The following WDPCP variants were observed in gnomAD, a reference collection of about 807,000 sequenced individuals.
The protein encoded by WDPCP is WD repeat containing planar cell polarity effector.
Under a neutral mutation model 93.1 loss-of-function variants are expected in WDPCP, and 71 were observed. The observed-to-expected ratio is 0.76, with a 90% confidence interval of 0.63 to 0.93. The LOEUF (loss-of-function observed/expected upper bound fraction) is 0.93, where lower values mean the gene tolerates loss of function less well. Ranked by LOEUF, WDPCP falls within the 40% of genes least tolerant of loss-of-function variation. The pLI, the probability that WDPCP is intolerant of heterozygous loss-of-function variation, is 0.00. For missense variants in WDPCP, 844 were observed against 887.4 expected, an observed-to-expected ratio of 0.95 and a Z score of 0.62; for synonymous variants, 315 against 315.0, an observed-to-expected ratio of 1.00 and a Z score of 0.00.
intron 13 of WDPCP, among the ~76,000 whole-genome samples, chr2:63,285,363 G>A (rs1169954601): frequency 6.6e-6 from 1 of 151,770 alleles, no homozygotes; most frequent in African/African-American, 2.4e-5. Flanking sequence ...GAACTCGGGA[G>A]GTGGAGCTTG....
At chr2:63,407,315 G>A (rs999174237) in intron 9 of WDPCP, among the ~76,000 whole-genome samples, 1 of 152,178 alleles carries the variant, frequency 6.6e-6, no homozygotes, top group African/African-American at 2.4e-5. Context: ...AAGCAAGGAA[G>A]AAAGTCATGG....
chr2:63,449,257 C>T (rs371325273), intron 6 of WDPCP, among the ~76,000 whole-genome samples: 12 of 152,306 alleles, frequency 7.9e-5, no homozygotes, highest in African/African-American at 2.4e-4. Context: ...TCAGTCAAGT[C>T]AGTGAGGTAG....
chr2:63,471,132 C>T (rs544762833), intron 6 of WDPCP, among the ~76,000 whole-genome samples: 1 of 152,282 alleles, frequency 6.6e-6, no homozygotes, highest in East Asian at 1.9e-4. Context: ...TTGACTCTGT[C>T]CTCTTTTAGA....
At chr2:63,627,380 C>G (rs1709820953) in intron 3 of WDPCP, among the ~76,000 whole-genome samples, 1 of 152,198 alleles carries the variant, frequency 6.6e-6, no homozygotes. Flanking sequence ...AAAATCATAT[C>G]TGTAATGATA....
chr2:63,753,806 C>T (rs1669916846), intron 2 of WDPCP, among the ~76,000 whole-genome samples: 2 of 152,128 alleles, frequency 1.3e-5, no homozygotes, highest in South Asian at 2.1e-4. Context: ...TGGGTAGGGA[C>T]ACAGATCCAA....
At chr2:63,533,900 C>CA (rs754147445) in intron 1 of WDPCP, among the ~76,000 whole-genome samples, 25 of 151,548 alleles carry the variant, frequency 1.6e-4, no homozygotes, top group African/African-American at 5.6e-4. Context: ...AAAAACCCTA[C>CA]AAAAAATCAA....
chr2:63,472,208 C>CT (rs1699733046), intron 6 of WDPCP, among the ~76,000 whole-genome samples: 1 of 150,740 alleles, frequency 6.6e-6, no homozygotes, highest in Non-Finnish European at 1.5e-5. Context: ...TTTGGATTTT[C>CT]TTTTTTTCTC....
At chr2:63,324,286 G>C (rs1687353203) in intron 12 of WDPCP, among the ~76,000 whole-genome samples, 1 of 152,124 alleles carries the variant, frequency 6.6e-6, no homozygotes, top group African/African-American at 2.4e-5. Context: ...TTTCAGCTTA[G>C]TCCCATATCC....
At chr2:63,528,875 CTT>C (rs1703582156) in intron 1 of WDPCP, among the ~76,000 whole-genome samples, 1 of 152,076 alleles carries the variant, frequency 6.6e-6, no homozygotes, top group Non-Finnish European at 1.5e-5. Context: ...TTGTTTGTGT[CTT>C]CTTTTATTTC....
intron 2 of WDPCP, among the ~76,000 whole-genome samples, chr2:63,676,234 G>A (rs915120932): frequency 6.6e-6 from 1 of 152,174 alleles, no homozygotes; most frequent in African/African-American, 2.4e-5. Flanking sequence ...AAGGGGAGCC[G>A]GGCATTTCGT....
chr2:63,750,818 G>C (rs748472181), intron 2 of WDPCP, among the ~76,000 whole-genome samples: 14 of 151,972 alleles, frequency 9.2e-5, no homozygotes, highest in Non-Finnish European at 1.8e-4. Flanking sequence ...TTACATTTTT[G>C]TGACATACCC....
chr2:63,596,477 G>T (rs1575721915), intron 3 of WDPCP, among the ~76,000 whole-genome samples: 1 of 152,200 alleles, frequency 6.6e-6, no homozygotes, highest in East Asian at 1.9e-4. Context: ...TCCTTTCTCT[G>T]CTGAGTTCCC....
At chr2:63,140,628 G>T (rs1297312749) in intron 17 of WDPCP, among the ~76,000 whole-genome samples, 2 of 151,024 alleles carry the variant, frequency 1.3e-5, no homozygotes, top group East Asian at 3.9e-4. Context: ...TGCTGTTGTT[G>T]TATAGAAGAG....
Position 63,575,458 on chromosome 2 carries a change from A to AGT in WDPCP, c.75+12737_75+12738dup, listed in dbSNP as rs1558832747. On this transcript the variant is annotated intron_variant, in intron 1 of 17. Transcript: ENST00000272321. ...TATACAGTGTATACACTGTATATAC[A>AGT]GTATATATGCAGTATATACAGTGTA... 6.9e-3 allele frequency among the ~76,000 whole-genome samples: 260 copies of AGT among 37,724 alleles called. 44 individuals carry two copies. The Middle Eastern group carries it at 0.088, about 13-fold the overall frequency. The allele number at this position is 37,724 out of a possible 152,430, so 24.7% of individuals were successfully genotyped here.
At chr2:63,271,941 C>A (rs907901301) in intron 13 of WDPCP, among the ~76,000 whole-genome samples, 1 of 152,150 alleles carries the variant, frequency 6.6e-6, no homozygotes, top group Non-Finnish European at 1.5e-5. Context: ...ACACTGCTAC[C>A]GTCATTGCTA....
At position 63,120,702 on chromosome 2, in the gene WDPCP, TTTTTTG is replaced by T. The variant is rs1308547870; in HGVS notation, c.*1298_*1303del. On this transcript the variant is annotated 3_prime_UTR_variant, in exon 18 of 18. Transcript: ENST00000272321. ...CCACCACGCCCGGCTAATTTTTTTT[TTTTTTG>T]TATTTTTAGTAGAGACGGGGTTTCA... is the stretch of plus-strand genomic sequence containing the variant. Among the ~76,000 whole-genome samples, 1 of 151,280 alleles carries T rather than the reference TTTTTTG, an allele frequency of 6.6e-6. No individual in the cohort carries two copies. The highest frequency in any genetic ancestry group is 1.9e-4 in the East Asian group (1 of 5,160).
chr2:63,556,185 A>G (rs1028304366), intron 1 of WDPCP, among the ~76,000 whole-genome samples: 2 of 152,238 alleles, frequency 1.3e-5, no homozygotes, highest in Non-Finnish European at 2.9e-5. Flanking sequence ...ACGTAACATG[A>G]GAACTTCACA....
chr2:63,835,502 G>A, the WDPCP span, among the ~76,000 whole-genome samples: 4 of 150,596 alleles, frequency 2.7e-5, no homozygotes, highest in Non-Finnish European at 5.9e-5. Flanking sequence ...TTTCTGTTTT[G>A]ATGGAGAGGG....
intron 2 of WDPCP, among the ~76,000 whole-genome samples, chr2:63,491,517 C>T (rs1700876736): frequency 6.6e-6 from 1 of 152,152 alleles, no homozygotes; most frequent in South Asian, 2.1e-4. Flanking sequence ...TCTCAAGCTC[C>T]TTCTTTCTTG....
Sources: gnomAD v4.1 joint callset for allele counts (sites outside exome capture counted in the v4.1 genomes callset) on GRCh38, gnomAD v4.1.1 for gene constraint, MANE v1.5 for transcripts, NCBI Gene and HGNC (gene_info 2026-07-23, HGNC 2026-07-21) for gene names.